The following ITGBL1 variants were observed in gnomAD, a reference collection of about 807,000 sequenced individuals.
ITGBL1 encodes the protein integrin beta-like protein 1.
ITGBL1 carries 51 observed loss-of-function variants against 68.5 expected under a neutral mutation model. The ratio of observed to expected loss-of-function variants is 0.74; its 90% CI spans 0.59 to 0.94. The LOEUF (loss-of-function observed/expected upper bound fraction) is 0.94. Among genes scored for constraint, ITGBL1 ranks in the 40% least tolerant of loss-of-function variants. ITGBL1 has a pLI of 0.00. For missense variants in ITGBL1, 649 were observed against 647.4 expected (o/e 1.00, Z -0.03); for synonymous variants, 209 against 227.3 (o/e 0.92, Z 0.72).
intron 7 of ITGBL1, among the ~76,000 whole-genome samples, chr13:101,689,605 TA>T (rs999257791): frequency 6.6e-5 from 10 of 150,784 alleles, no homozygotes; most frequent in Admixed American, 2.7e-4. Flanking sequence ...ACTCTGTCTC[TA>T]AAAAAAAACC....
intron 7 of ITGBL1, among the ~76,000 whole-genome samples, chr13:101,670,908 T>C (rs1172677982): frequency 1.3e-5 from 2 of 152,216 alleles, no homozygotes; most frequent in Non-Finnish European, 2.9e-5. Flanking sequence ...AGAAGTCTGA[T>C]GGCTCTGGTT....
At chr13:101,624,839 C>T (rs2031715002) in intron 7 of ITGBL1, among the ~76,000 whole-genome samples, 1 of 152,182 alleles carries the variant, frequency 6.6e-6, no homozygotes, top group South Asian at 2.1e-4. Flanking sequence ...ACGTGGCTAA[C>T]ATTTACCTTC....
intron 8 of ITGBL1, among the ~76,000 whole-genome samples, chr13:101,699,511 C>T (rs1329067536): frequency 1.3e-5 from 2 of 152,254 alleles, no homozygotes; most frequent in East Asian, 3.9e-4. Flanking sequence ...AGTAAGTTCT[C>T]ACGAGATCTG....
chr13:101,622,915 ATGTGTGTGTG>A (rs59267168), intron 7 of ITGBL1, among the ~76,000 whole-genome samples: 2 of 148,404 alleles, frequency 1.3e-5, no homozygotes, highest in African/African-American at 5.0e-5. Flanking sequence ...TGGGGTATGT[ATGTGTGTGTG>A]TGTGTGTGTG....
At chr13:101,644,764 C>T (rs946931936) in intron 7 of ITGBL1, among the ~76,000 whole-genome samples, 1 of 151,972 alleles carries the variant, frequency 6.6e-6, no homozygotes, top group East Asian at 1.9e-4. Context: ...GTAATATTTA[C>T]TCATTTATGT....
intron 7 of ITGBL1, among the ~76,000 whole-genome samples, chr13:101,652,544 G>A (rs1898199): frequency 0.29 from 43,965 of 152,000 alleles, 6,605 homozygotes; most frequent in Non-Finnish European, 0.34. Context: ...TTGCATACCT[G>A]TGATTTCAGG....
At chr13:101,462,787 T>C (rs191225333) in intron 2 of ITGBL1, among the ~76,000 whole-genome samples, 2 of 152,298 alleles carry the variant, frequency 1.3e-5, no homozygotes, top group Admixed American at 1.3e-4. Flanking sequence ...TTCACCATGT[T>C]GGCCAGGCTG....
intron 7 of ITGBL1, among the ~76,000 whole-genome samples, chr13:101,647,913 G>A (rs982707083): frequency 6.6e-6 from 1 of 152,108 alleles, no homozygotes; most frequent in African/African-American, 2.4e-5. Flanking sequence ...AGAACTGGTG[G>A]GAGCGCTGGT....
At chr13:101,480,547 AATG>A (rs1454328981) in intron 2 of ITGBL1, among the ~76,000 whole-genome samples, 2 of 152,106 alleles carry the variant, frequency 1.3e-5, no homozygotes, top group African/African-American at 4.8e-5. Context: ...AACACAAATA[AATG>A]ATAAGTGCTT....
At chr13:101,562,178 C>T (rs2050110830) in intron 2 of ITGBL1, among the ~76,000 whole-genome samples, 1 of 151,900 alleles carries the variant, frequency 6.6e-6, no homozygotes, top group African/African-American at 2.4e-5. Flanking sequence ...ATAATGTATA[C>T]ACTAGGACAA....
chr13:101,581,916 C>T (rs544655095), intron 5 of ITGBL1, among the ~76,000 whole-genome samples: 1 of 152,296 alleles, frequency 6.6e-6, no homozygotes, highest in Admixed American at 6.5e-5. Flanking sequence ...TGTCCCACAC[C>T]TTTACCGAGT....
Position 101,549,358 on chromosome 13 carries a change from T to C in ITGBL1, c.317-18341T>C, listed in dbSNP as rs193257643. On this transcript the variant is annotated intron_variant, in intron 2 of 10. Coordinates refer to ENST00000376180, the MANE Select transcript of ITGBL1 (RefSeq NM_004791.3). ...AAGAAGAAAGCATAAGAGAATTTGA[T>C]CATATGATTTAGGAGTGTGAGAAAC... Among the ~76,000 whole-genome samples the C allele has an allele frequency of 3.9e-5, 6 of 152,050 alleles. No individual in the cohort carries two copies. In the East Asian group the frequency reaches 1.2e-3, roughly 29 times the overall value.
intron 7 of ITGBL1, among the ~76,000 whole-genome samples, chr13:101,628,953 T>A (rs898591057): frequency 6.6e-6 from 1 of 152,172 alleles, no homozygotes; most frequent in Non-Finnish European, 1.5e-5. Context: ...CATCTGTTTC[T>A]AACAGTTTTT....
intron 2 of ITGBL1, among the ~76,000 whole-genome samples, chr13:101,548,676 A>G (rs1050898556): frequency 6.6e-6 from 1 of 151,842 alleles, no homozygotes; most frequent in Non-Finnish European, 1.5e-5. Flanking sequence ...CTATTTAACT[A>G]TCATTAACTT....
intron 7 of ITGBL1, among the ~76,000 whole-genome samples, chr13:101,611,818 T>C (rs1434554325): frequency 6.6e-6 from 1 of 152,166 alleles, no homozygotes; most frequent in Non-Finnish European, 1.5e-5. Context: ...ATTTTATATC[T>C]ACTCAAATGG....
At chr13:101,706,997 G>A (rs991473639) in intron 9 of ITGBL1, 95 bp downstream of exon 9, 1 of 1,338,072 alleles carries the variant, frequency 7.5e-7, no homozygotes, top group Non-Finnish European at 1.0e-6. Context: ...ACTGAACTTT[G>A]CATGAAAGCA....
intron 2 of ITGBL1, among the ~76,000 whole-genome samples, chr13:101,510,734 T>G (rs1453691123): frequency 6.6e-6 from 1 of 152,156 alleles, no homozygotes; most frequent in African/African-American, 2.4e-5. Context: ...TGATTTGCAT[T>G]TTGATGATGA....
intron 4 of ITGBL1, among the ~76,000 whole-genome samples, chr13:101,579,043 CT>C (rs1245900037): frequency 1.5e-4 from 23 of 152,132 alleles, no homozygotes; most frequent in Non-Finnish European, 5.9e-5. Context: ...TTTAAAAATA[CT>C]TTTAATCAGT....
At chr13:101,596,468 T>G (rs1335904626) in intron 6 of ITGBL1, among the ~76,000 whole-genome samples, 1 of 152,054 alleles carries the variant, frequency 6.6e-6, no homozygotes, top group Non-Finnish European at 1.5e-5. Context: ...CTGTGTGAGG[T>G]GATGGATATG....
Sources: gnomAD v4.1 joint callset for allele counts (sites outside exome capture counted in the v4.1 genomes callset) on GRCh38, gnomAD v4.1.1 for gene constraint, MANE v1.5 for transcripts, NCBI Gene and HGNC (gene_info 2026-07-23, HGNC 2026-07-21) for gene names.